Variants in ARHGAP31 observed in about 807,000 individuals in gnomAD.
The protein encoded by ARHGAP31 is Rho GTPase activating protein 31.
ARHGAP31 carries 34 observed loss-of-function variants against 113.9 expected under a neutral mutation model. The ratio of observed to expected loss-of-function variants is 0.30; its 90% confidence interval spans 0.23 to 0.40. The LOEUF (loss-of-function observed/expected upper bound fraction) is 0.40, where lower values mean the gene tolerates loss of function less well. ARHGAP31 is among the 10% of genes least tolerant of loss of function. The probability of loss-of-function intolerance (pLI) is 1.00; values close to 1 mark genes in which losing one functional copy is unlikely to be tolerated. For synonymous variants in ARHGAP31, 650 were observed against 684.8 expected, an observed-to-expected ratio of 0.95 and a Z score of 0.79; for missense variants, 1,548 against 1,767.1, an observed-to-expected ratio of 0.88 and a Z score of 2.22.
At position 119,420,494 on chromosome 3, in the gene ARHGAP31, G is replaced by T. The variant is rs2080811496; in HGVS notation, c.*4230G>T. 3 of 152,194 alleles carry T rather than the reference G, an allele frequency of 2.0e-5. No homozygotes were observed. The highest frequency in any genetic ancestry group is 2.0e-4 in the Admixed American group (3 of 15,288). 9.4% of individuals were successfully genotyped at this position (152,194 alleles called of 1,614,324 possible). The stretch of plus-strand genomic sequence containing the variant: ...TAGCATAAAATTGGGGGCCACCACA[G>T]ATTGGCTGGCTACTGTGTAGATCAT... On this transcript the variant is annotated 3_prime_UTR_variant, in exon 12 of 12. Coordinates refer to ENST00000264245, the MANE Select transcript of ARHGAP31 (RefSeq NM_020754.4).
At chr3:119,364,450 T>A (rs1304123376) in intron 1 of ARHGAP31, among the ~76,000 whole-genome samples, 1 of 152,230 alleles carries the variant, frequency 6.6e-6, no homozygotes, top group East Asian at 1.9e-4. Context: ...ATTAATTATT[T>A]TTTACAAGCA....
At chr3:119,398,285 A>T (rs2080569020) in intron 8 of ARHGAP31, among the ~76,000 whole-genome samples, 1 of 152,154 alleles carries the variant, frequency 6.6e-6, no homozygotes, top group African/African-American at 2.4e-5. Context: ...TAAATAAATA[A>T]AAATAAATTT....
intron 10 of ARHGAP31, among the ~76,000 whole-genome samples, chr3:119,407,390 GA>G (rs1471922822): frequency 6.8e-6 from 1 of 147,542 alleles, no homozygotes; most frequent in Admixed American, 6.7e-5. Flanking sequence ...AAGAAAAAAA[GA>G]AAAAAAAATG....
chr3:119,322,330 A>G (rs2079795780), intron 1 of ARHGAP31, among the ~76,000 whole-genome samples: 1 of 152,220 alleles, frequency 6.6e-6, no homozygotes, highest in Non-Finnish European at 1.5e-5. Flanking sequence ...TATCTTAGAC[A>G]TAAATGAAAA....
intron 1 of ARHGAP31, among the ~76,000 whole-genome samples, chr3:119,360,360 TG>T (rs1194722117): frequency 6.6e-6 from 1 of 152,130 alleles, no homozygotes; most frequent in Non-Finnish European, 1.5e-5. Flanking sequence ...AGAATGGAGA[TG>T]GGGGAGTGCC....
rs1268474688 is a variant in ARHGAP31, at chr3:119,414,063, T to C, written c.2134T>C (p.Ser712Pro). The change falls in exon 12 of 12, where the codon TCC becomes CCC. Residue 712 changes from serine to proline, a missense_variant. Ser to Pro is a moderately conservative substitution (Grantham distance 74, BLOSUM62 -1). Transcript: ENST00000264245. ...TTGTGGCTCCTTCCCTGCTCCAGTC[T>C]CCACCCCTCTGGAGGTGTGGACTAG... Reference protein sequence around the residue: ...LPCGSFPAPVSTPLEVWTRDP... With the variant: ...LPCGSFPAPVPTPLEVWTRDP... The C allele has an allele frequency of 4.3e-6, 7 of 1,614,098 alleles. No homozygotes were observed. The highest frequency in any genetic ancestry group is 5.9e-6 in the Non-Finnish European group (7 of 1,180,020).
chr3:119,371,619 C>T (rs991303794), intron 3 of ARHGAP31, among the ~76,000 whole-genome samples: 1 of 152,180 alleles, frequency 6.6e-6, no homozygotes. Context: ...TTTACTCAAA[C>T]CTACTTGCAC....
rs1358752029 is a variant in ARHGAP31 at position 119,414,908 on chromosome 3, G to A, written c.2979G>A (p.Arg993=). 1.2e-6 allele frequency: 2 copies of A among 1,614,168 alleles called. No homozygotes were observed. Among genetic ancestry groups the A allele is most frequent in the Non-Finnish European group, 8.5e-7 (1 of 1,179,998 alleles). The change falls in exon 12 of 12, where the codon AGG becomes AGA. Residue 993 remains arginine, a synonymous_variant. Transcript: ENST00000264245. ...NSDPLQPQAP[R]REITGWDEKA... ...ACCCTCTTCAGCCCCAGGCACCCAGGAGAGAGATTACTGGATGGGATGAGA... is the reference window on the plus strand; with the variant it reads ...ACCCTCTTCAGCCCCAGGCACCCAGAAGAGAGATTACTGGATGGGATGAGA...
intron 3 of ARHGAP31, among the ~76,000 whole-genome samples, chr3:119,370,014 G>A (rs1487340778): frequency 3.3e-5 from 5 of 152,036 alleles, no homozygotes; most frequent in Admixed American, 3.3e-4. Flanking sequence ...GGGCATAAAT[G>A]TTGACCTCTA....
intron 1 of ARHGAP31, among the ~76,000 whole-genome samples, chr3:119,296,061 C>T (rs1377998181): frequency 1.3e-5 from 2 of 152,174 alleles, no homozygotes; most frequent in Non-Finnish European, 2.9e-5. Context: ...GCTGTGTAAC[C>T]GTGCGGAATA....
chr3:119,351,748 T>G (rs958910639), intron 1 of ARHGAP31, among the ~76,000 whole-genome samples: 9 of 152,324 alleles, frequency 5.9e-5, no homozygotes, highest in African/African-American at 1.9e-4. Flanking sequence ...ATCTGCTCAG[T>G]TCACGACCTT....
At chr3:119,311,195 C>A (rs2079680778) in intron 1 of ARHGAP31, among the ~76,000 whole-genome samples, 1 of 152,182 alleles carries the variant, frequency 6.6e-6, no homozygotes, top group South Asian at 2.1e-4. Flanking sequence ...AATTTCCTCC[C>A]TTGAGTAAGA....
intron 3 of ARHGAP31, among the ~76,000 whole-genome samples, chr3:119,371,337 G>A (rs1331171191): frequency 6.6e-6 from 1 of 152,144 alleles, no homozygotes; most frequent in Non-Finnish European, 1.5e-5. Context: ...TAATCATTGT[G>A]TTTTCTCACA....
At chr3:119,381,929 T>G (rs1399753448) in intron 4 of ARHGAP31, among the ~76,000 whole-genome samples, 1 of 139,520 alleles carries the variant, frequency 7.2e-6, no homozygotes, top group Non-Finnish European at 1.5e-5. Context: ...GAGCTTGCAG[T>G]GAGCTGAGAT....
At chr3:119,344,989 T>C (rs570748810) in intron 1 of ARHGAP31, among the ~76,000 whole-genome samples, 47 of 151,386 alleles carry the variant, frequency 3.1e-4, no homozygotes, top group African/African-American at 9.9e-4. Flanking sequence ...TTTTTTCTTT[T>C]TTCTTTTTTT....
chr3:119,413,762 T>C (rs1178612684), intron 11 of ARHGAP31, 94 bp from the exon 12 acceptor site: 9 of 1,566,022 alleles, frequency 5.7e-6, no homozygotes, highest in Non-Finnish European at 7.9e-6. Flanking sequence ...TGGCACAGGC[T>C]GGTGCTGTCA....
At position 119,365,323 on chromosome 3, in the gene ARHGAP31, C is replaced by T. The variant is rs1319671875; in HGVS notation, c.108C>T (p.Tyr36=). Residue 36 remains tyrosine, a synonymous_variant, in exon 2 of 12, where the codon TAC becomes TAT. Coordinates refer to ENST00000264245, the MANE Select transcript of ARHGAP31 (RefSeq NM_020754.4). The part of the protein sequence containing the change: ...YLESSGQDVP[Y]VLKSCAEFIE... Reference sequence around the variant, plus strand: ...TTCTTTTCTTTTACATAGTTCCATACGTTTTGAAGAGCTGTGCAGAATTTA... The same window carrying T: ...TTCTTTTCTTTTACATAGTTCCATATGTTTTGAAGAGCTGTGCAGAATTTA... 13 of 1,613,382 alleles carry T rather than the reference C, an allele frequency of 8.1e-6. No individual in the cohort carries two copies. In the South Asian group the frequency reaches 9.9e-5, roughly 12 times the overall value.
intron 3 of ARHGAP31, among the ~76,000 whole-genome samples, chr3:119,378,051 C>T (rs1344464820): frequency 6.6e-6 from 1 of 152,104 alleles, no homozygotes; most frequent in Non-Finnish European, 1.5e-5. Context: ...TGCCAGCGTC[C>T]TCCAAGGGCA....
chr3:119,361,684 C>T lies in ARHGAP31; in HGVS notation c.101-3632C>T, dbSNP rs74280524. Among the ~76,000 whole-genome samples the T allele has an allele frequency of 8.2e-3, 1,251 of 152,210 alleles. 38 individuals are homozygous for T. In the East Asian group the frequency reaches 0.11, roughly 13 times the overall value. ...GGCGTGAGCCACTGTGCCCAGCGGT[C>T]CTTCAACTTTCGAGTACATCAGAAT... On this transcript the variant is annotated intron_variant, in intron 1 of 11. Transcript: ENST00000264245.
Sources: allele counts gnomAD v4.1 joint callset (sites outside exome capture counted in the v4.1 genomes callset), GRCh38; gene constraint gnomAD v4.1.1; transcripts MANE v1.5; gene names NCBI Gene and HGNC (gene_info 2026-07-23, HGNC 2026-07-21).